Variants in PDCD7 observed in about 807,000 individuals in gnomAD.
The protein encoded by PDCD7 is programmed cell death 7, also known as programmed cell death protein 7.
Under a neutral mutation model 42.1 loss-of-function variants are expected in PDCD7, and 40 were observed. The observed-to-expected ratio is 0.95, with a 90% CI of 0.74 to 1.24. PDCD7 has a LOEUF of 1.24. Among genes scored for constraint, PDCD7 ranks in the 50% most tolerant of loss-of-function variants. PDCD7 has a pLI of 0.00. For synonymous variants in PDCD7, 299 were observed against 303.3 expected, an observed-to-expected ratio of 0.99 and a Z score of 0.15; for missense variants, 644 against 662.8, an observed-to-expected ratio of 0.97 and a Z score of 0.31.
intron 3 of PDCD7, 91 bp from the exon 4 acceptor site, chr15:65,119,554 G>A (rs754521448): frequency 8.1e-7 from 1 of 1,235,676 alleles, no homozygotes; most frequent in Non-Finnish European, 1.2e-6. Context: ...GATTACGACA[G>A]AATGAGAAAA....
chr15:65,129,068 A>G lies in PDCD7; in HGVS notation c.973T>C (p.Leu325=), dbSNP rs972748904. Reference sequence around the variant, plus strand: ...GCAGCCTCTTTCCTCAGTTTCCTCAATTTCTCCAAAGCCCGTAGAATGTCC... The same window carrying G: ...GCAGCCTCTTTCCTCAGTTTCCTCAGTTTCTCCAAAGCCCGTAGAATGTCC... ...MVDILRALEK[L]RKLRKEAAAR... Residue 325 remains leucine (L), a synonymous_variant, in exon 2 of 5, where the codon TTG becomes CTG. Transcript: ENST00000204549. 1.2e-6 allele frequency: 2 copies of G among 1,614,064 alleles called. No homozygotes were observed. The highest frequency in any genetic ancestry group is 1.7e-6 in the Non-Finnish European group (2 of 1,179,948).
chr15:65,119,647 G>C, intron 3 of PDCD7, 71 bp downstream of exon 3: 2 of 1,500,114 alleles, frequency 1.3e-6, no homozygotes, highest in East Asian at 4.5e-5. Context: ...CTCTTAGCTT[G>C]AGATCACCCG....
At chr15:65,127,592 C>A (rs2087507295) in intron 2 of PDCD7, among the ~76,000 whole-genome samples, 1 of 152,122 alleles carries the variant, frequency 6.6e-6, no homozygotes, top group Non-Finnish European at 1.5e-5. Flanking sequence ...TCATTCAGCA[C>A]TTAGTTGGAG....
chr15:65,120,298 C>T (rs1463093345), intron 2 of PDCD7, among the ~76,000 whole-genome samples: 5 of 152,034 alleles, frequency 3.3e-5, no homozygotes, highest in African/African-American at 1.2e-4. Context: ...ACCACAGGCA[C>T]GTGCCACCAC....
In PDCD7 at chr15:65,118,723, C is replaced by T. The variant is rs1227562714; in HGVS notation, c.1452G>A (p.Leu484=). 2 of 1,603,980 alleles carry T rather than the reference C, an allele frequency of 1.2e-6. No individual in the cohort carries two copies. Among genetic ancestry groups the T allele is most frequent in the Non-Finnish European group, 8.5e-7 (1 of 1,175,884 alleles). The part of the protein sequence containing the change: ...SNDIWATAVK[L]H ...CACTCCTGGAGCATCTTTACTAATG[C>T]AGCTTAACAGCAGTTGCCCAGATGT... Residue 484 remains leucine (L), a synonymous_variant, in exon 5 of 5, where the codon CTG becomes CTA. Transcript: ENST00000204549.
At chr15:65,126,144 C>T (rs927396602) in intron 2 of PDCD7, among the ~76,000 whole-genome samples, 1 of 151,998 alleles carries the variant, frequency 6.6e-6, no homozygotes, top group Admixed American at 6.6e-5. Flanking sequence ...ATCACCAAGA[C>T]TACACAATCT....
intron 2 of PDCD7, among the ~76,000 whole-genome samples, chr15:65,124,719 T>C (rs2140581484): frequency 6.6e-6 from 1 of 152,188 alleles, no homozygotes. Context: ...TTTACTTCCT[T>C]CTCCCCAGAG....
At chr15:65,119,531 T>G in intron 3 of PDCD7, 68 bp from the exon 4 acceptor site, 1 of 1,285,804 alleles carries the variant, frequency 7.8e-7, no homozygotes, top group Non-Finnish European at 1.1e-6. Flanking sequence ...CAAGGCAAGG[T>G]GACTGAGCCT....
chr15:65,123,220 G>A (rs778162501), intron 2 of PDCD7, among the ~76,000 whole-genome samples: 4 of 152,088 alleles, frequency 2.6e-5, no homozygotes, highest in Admixed American at 6.5e-5. Flanking sequence ...ACGGAGTCTC[G>A]CTCTGTCACC....
intron 2 of PDCD7, among the ~76,000 whole-genome samples, chr15:65,122,523 T>G (rs758679885): frequency 1.3e-5 from 2 of 152,234 alleles, no homozygotes; most frequent in Admixed American, 6.5e-5. Context: ...CTGTTGATTC[T>G]GTACGTTCTT....
In PDCD7 at chr15:65,129,172, T is replaced by C; in HGVS notation, c.871-2A>G. ...AGCGGCTGCTTTGAGTTCCTGCTCC[T>C]GGAAGAGAAACAAAGCCCATGAGAC... On this transcript the variant is annotated splice_acceptor_variant, in intron 1 of 4. Transcript: ENST00000204549. LOFTEE classifies it high-confidence loss of function. The C allele has an allele frequency of 6.2e-7, 1 of 1,613,636 alleles. No homozygotes were observed. Among genetic ancestry groups the C allele is most frequent in the Non-Finnish European group, 8.5e-7 (1 of 1,179,846 alleles).
rs1168410426 is a variant in PDCD7, at chr15:65,118,140, CTT to C, written c.*575_*576del. On this transcript the variant is annotated 3_prime_UTR_variant, in exon 5 of 5. Transcript: ENST00000204549. ...CTGAATAATAAGACTAGGCCACCAT[CTT>C]TTCTGGCAACCCAGCCTACAGCCAC... 2.0e-5 allele frequency: 3 copies of C among 152,254 alleles called. No individual in the cohort carries two copies. The highest frequency in any genetic ancestry group is 7.2e-5 in the African/African-American group (3 of 41,454). 9.4% of individuals were successfully genotyped at this position (152,254 alleles called of 1,614,324 possible).
rs1403444263 is a variant in PDCD7 at position 65,133,090 on chromosome 15, T to C, written c.692A>G (p.Tyr231Cys). ...CAGCCTCCTCCGCGCCTCGCCCACATAGGCAGCCTGGGTCAACGGCTGTAG... is the reference window on the plus strand; with the variant it reads ...CAGCCTCCTCCGCGCCTCGCCCACACAGGCAGCCTGGGTCAACGGCTGTAG... Reference protein sequence around the residue: ...ERLQPLTQAAYVGEARRRLER... With the variant: ...ERLQPLTQAACVGEARRRLER... The change falls in exon 1 of 5, where the codon TAT (tyrosine) becomes TGT (cysteine). Residue 231 changes from tyrosine (Y) to cysteine (C), a missense_variant. Coordinates refer to ENST00000204549, the MANE Select transcript of PDCD7 (RefSeq NM_005707.2). The C allele has an allele frequency of 7.0e-6, 11 of 1,563,954 alleles. No homozygotes were observed. The highest frequency in any genetic ancestry group is 1.4e-5 in the African/African-American group (1 of 74,038).
At chr15:65,132,831 G>C (rs2087552197) in intron 1 of PDCD7, 81 bp downstream of exon 1, 1 of 1,573,948 alleles carries the variant, frequency 6.4e-7, no homozygotes, top group Non-Finnish European at 8.6e-7. Context: ...TTAGCCCTGG[G>C]AAATGGAAGT....
In PDCD7 at chr15:65,133,203, C is replaced by G; in HGVS notation, c.579G>C (p.Gln193His). 4 of 1,392,064 alleles carry G rather than the reference C, an allele frequency of 2.9e-6. No homozygotes were observed. Among genetic ancestry groups the G allele is most frequent in the Middle Eastern group, 5.1e-4 (2 of 3,936 alleles). The allele number at this position is 1,392,064 out of a possible 1,614,324, so 86.2% of individuals were successfully genotyped here. A position where few individuals can be genotyped will look rare whatever the true frequency, so the allele number is the denominator to read the frequency against. ...RLVRRLRGLS[Q>H]ALREAEADGA... ...CGTCGGCTTCGGCCTCGCGCAGGGC[C>G]TGGCTCAGGCCGCGCAGCCGCCGCA... is the stretch of plus-strand genomic sequence containing the variant. The change falls in exon 1 of 5, where the codon CAG (glutamine) becomes CAC (histidine). Residue 193 changes from glutamine (Q) to histidine (H), a missense_variant. Physicochemically the swap from Gln to His is conservative, Grantham distance 24. Transcript: ENST00000204549.
At chr15:65,121,768 A>T (rs911435995) in intron 2 of PDCD7, among the ~76,000 whole-genome samples, 1 of 152,182 alleles carries the variant, frequency 6.6e-6, no homozygotes, top group African/African-American at 2.4e-5. Flanking sequence ...ATTACTGCTA[A>T]TTTTTTTGGT....
At chr15:65,131,735 G>C (rs1457441121) in intron 1 of PDCD7, among the ~76,000 whole-genome samples, 1 of 152,082 alleles carries the variant, frequency 6.6e-6, no homozygotes, top group East Asian at 1.9e-4. Flanking sequence ...GGCAACAAGA[G>C]CGAAACTCCA....
In PDCD7 at chr15:65,118,740, C is replaced by T; in HGVS notation, c.1435G>A (p.Ala479Thr). The T allele has an allele frequency of 6.2e-7, 1 of 1,608,726 alleles. No individual in the cohort carries two copies. The highest frequency in any genetic ancestry group is 1.3e-5 in the African/African-American group (1 of 74,738). Residue 479 changes from alanine to threonine, a missense_variant, in exon 5 of 5, where the codon GCA (alanine) becomes ACA (threonine). Physicochemically the swap from Ala to Thr is moderately conservative, Grantham distance 58. Coordinates refer to ENST00000204549, the MANE Select transcript of PDCD7 (RefSeq NM_005707.2). ...LPPLPSNDIW[A>T]TAVKLH ...TACTAATGCAGCTTAACAGCAGTTG[C>T]CCAGATGTCGTTGCTGGGGAGCGGG...
chr15:65,128,604 C>G (rs999962222), intron 2 of PDCD7, among the ~76,000 whole-genome samples: 1 of 152,216 alleles, frequency 6.6e-6, no homozygotes, highest in African/African-American at 2.4e-5. Flanking sequence ...ATTCATACCT[C>G]TTCAAATAGA....
Sources: allele counts gnomAD v4.1 joint callset (sites outside exome capture counted in the v4.1 genomes callset), GRCh38; gene constraint gnomAD v4.1.1; transcripts MANE v1.5; gene names NCBI Gene and HGNC (gene_info 2026-07-23, HGNC 2026-07-21).